PCDH11X: variants seen among roughly 807,000 people sequenced by gnomAD.
PCDH11X encodes protocadherin-11 X-linked.
A neutral mutation model predicts 53.3 loss-of-function variants in PCDH11X; 18 were observed. That is an observed-to-expected ratio of 0.34 (90% CI 0.23 to 0.50). The LOEUF is 0.50. Ranked by LOEUF, PCDH11X falls within the 20% of genes least tolerant of loss-of-function variation. The probability of loss-of-function intolerance (pLI) is 0.98; values close to 1 mark genes in which losing one functional copy is unlikely to be tolerated. For synonymous variants in PCDH11X, 279 were observed against 393.3 expected, an observed-to-expected ratio of 0.71 and a Z score of 3.44; for missense variants, 570 against 1,032.4, an observed-to-expected ratio of 0.55 and a Z score of 6.14.
At chrX:91,991,147 G>T (rs1006069419) in intron 6 of PCDH11X, among the ~76,000 whole-genome samples, 1 of 104,188 alleles carries the variant, frequency 9.6e-6, no homozygotes, top group Non-Finnish European at 1.9e-5. Context: ...TGAAGCGGGG[G>T]CTGGGGGCTA....
chrX:92,009,700 C>CTTTTTTTTTTTTTTT (rs68159170), intron 6 of PCDH11X, among the ~76,000 whole-genome samples: 36 of 66,644 alleles, frequency 5.4e-4, no homozygotes, highest in African/African-American at 1.7e-3. Context: ...TGACTGTTGC[C>CTTTTTTTTTTTTTTT]TTTTTTTTTT....
intron 6 of PCDH11X, chrX:91,882,849 T>C: frequency 1.7e-6 from 2 of 1,171,721 alleles, no homozygotes; most frequent in Non-Finnish European, 1.1e-6. Flanking sequence ...GCTTGGCAAA[T>C]GAAACTCCTA....
At chrX:92,270,388 T>A (rs1441655495) in intron 8 of PCDH11X, among the ~76,000 whole-genome samples, 3 of 111,700 alleles carry the variant, frequency 2.7e-5, no homozygotes, top group Non-Finnish European at 5.6e-5. Context: ...CCTCCCAAAG[T>A]GCTGGGATTA....
chrX:91,989,406 C>CA (rs965901177), intron 6 of PCDH11X, among the ~76,000 whole-genome samples: 9 of 110,633 alleles, frequency 8.1e-5, no homozygotes, highest in Non-Finnish European at 9.5e-5. Context: ...GACAAAAATA[C>CA]AAAAAAATGT....
At chrX:92,126,651 TAAAA>T (rs1343359160) in intron 6 of PCDH11X, among the ~76,000 whole-genome samples, 1 of 109,076 alleles carries the variant, frequency 9.2e-6, no homozygotes, top group African/African-American at 3.4e-5. Flanking sequence ...AAATAAATTT[TAAAA>T]AAATCTCTTT....
At chrX:92,012,746 G>C (rs2062714203) in intron 6 of PCDH11X, among the ~76,000 whole-genome samples, 1 of 111,447 alleles carries the variant, frequency 9.0e-6, no homozygotes, top group South Asian at 3.7e-4. Context: ...ATGGAAGCAT[G>C]CTCCAGAGAT....
At chrX:92,552,264 CT>C (rs937571022) in intron 10 of PCDH11X, among the ~76,000 whole-genome samples, 6 of 100,908 alleles carry the variant, frequency 5.9e-5, no homozygotes, top group African/African-American at 2.1e-4. Context: ...AGATCTCTCA[CT>C]TTTGGTTAAT....
chrX:92,434,674 T>A (rs1461495079), intron 9 of PCDH11X, among the ~76,000 whole-genome samples: 1 of 103,947 alleles, frequency 9.6e-6, no homozygotes, highest in Admixed American at 1.0e-4. Flanking sequence ...CTCAAGTAGC[T>A]AATTTTTTTT....
At chrX:91,822,201 G>C (rs974360047) in intron 4 of PCDH11X, among the ~76,000 whole-genome samples, 2 of 110,015 alleles carry the variant, frequency 1.8e-5, no homozygotes, top group African/African-American at 6.8e-5. Flanking sequence ...AATGAGCTAG[G>C]GAGGATTCTC....
intron 5 of PCDH11X, among the ~76,000 whole-genome samples, chrX:91,872,457 T>G (rs1939376519): frequency 9.0e-6 from 1 of 111,080 alleles, no homozygotes; most frequent in Admixed American, 9.6e-5. Flanking sequence ...ATTCATGCAT[T>G]TATTTATCTA....
chrX:92,039,251 T>C (rs1389894545), intron 6 of PCDH11X, among the ~76,000 whole-genome samples: 1 of 111,289 alleles, frequency 9.0e-6, no homozygotes, highest in Non-Finnish European at 1.9e-5. Flanking sequence ...CCTAGGGCTC[T>C]ACAATCAGCA....
At chrX:92,098,435 A>G (rs759262844) in intron 6 of PCDH11X, among the ~76,000 whole-genome samples, 1 of 111,225 alleles carries the variant, frequency 9.0e-6, no homozygotes, top group Non-Finnish European at 1.9e-5. Flanking sequence ...TCTTTCATAA[A>G]TAAACATACG....
intron 9 of PCDH11X, among the ~76,000 whole-genome samples, chrX:92,439,989 T>C (rs1344127369): frequency 1.1e-5 from 1 of 87,080 alleles, no homozygotes; most frequent in African/African-American, 3.8e-5. Flanking sequence ...GATAGCTAGT[T>C]TTTTAAAAAA....
intron 8 of PCDH11X, among the ~76,000 whole-genome samples, chrX:92,295,542 G>A (rs1048395440): frequency 3.6e-5 from 4 of 109,934 alleles, no homozygotes; most frequent in Non-Finnish European, 3.8e-5. Context: ...AGTGCAACAC[G>A]TTAGAAATGA....
intron 10 of PCDH11X, among the ~76,000 whole-genome samples, chrX:92,587,948 G>T (rs1025647336): frequency 9.1e-6 from 1 of 110,305 alleles, no homozygotes; most frequent in Non-Finnish European, 1.9e-5. Context: ...AAGAATTACT[G>T]TGATATTCAC....
chrX:92,567,643 G>T (rs1366276190), intron 10 of PCDH11X, among the ~76,000 whole-genome samples: 2 of 109,485 alleles, frequency 1.8e-5, no homozygotes, highest in Admixed American at 9.9e-5. Flanking sequence ...GATTGCCCTG[G>T]CCAGAACCTC....
intron 10 of PCDH11X, among the ~76,000 whole-genome samples, chrX:92,494,608 C>A (rs1487114529): frequency 9.0e-6 from 1 of 111,240 alleles, no homozygotes; most frequent in Non-Finnish European, 1.9e-5. Context: ...CCACTGTAAT[C>A]CATTATTTCT....
intron 6 of PCDH11X, among the ~76,000 whole-genome samples, chrX:91,899,699 A>C: frequency 9.0e-6 from 1 of 111,641 alleles, no homozygotes; most frequent in Middle Eastern, 4.7e-3. Flanking sequence ...AGTTAACGAT[A>C]GTTAAATGCT....
chrX:91,917,738 A>G (rs1282821807), intron 6 of PCDH11X, among the ~76,000 whole-genome samples: 4 of 106,070 alleles, frequency 3.8e-5, no homozygotes, highest in Non-Finnish European at 7.8e-5. Context: ...TGTGAAAATC[A>G]CCATACTACC....
Sources: allele counts gnomAD v4.1 joint callset (sites outside exome capture counted in the v4.1 genomes callset), GRCh38; gene constraint gnomAD v4.1.1; transcripts MANE v1.5; gene names NCBI Gene and HGNC (gene_info 2026-07-23, HGNC 2026-07-21).